The following ARHGAP15 variants were observed in gnomAD, a reference collection of about 807,000 sequenced individuals.
ARHGAP15 encodes rho GTPase-activating protein 15.
Under a neutral mutation model 63.7 loss-of-function variants are expected in ARHGAP15, and 51 were observed. The observed-to-expected ratio is 0.80, with a 90% CI of 0.64 to 1.01. The LOEUF is 1.01. Among genes scored for constraint, ARHGAP15 ranks in the 50% least tolerant of loss-of-function variants. ARHGAP15 has a pLI of 0.00. For missense variants in ARHGAP15, 560 were observed against 564.6 expected (o/e 0.99, Z 0.08); for synonymous variants, 191 against 193.8 (o/e 0.99, Z 0.12).
chr2:143,429,272 TTAA>T (rs1689281004), intron 6 of ARHGAP15, among the ~76,000 whole-genome samples: 1 of 151,894 alleles, frequency 6.6e-6, no homozygotes, highest in South Asian at 2.1e-4. Flanking sequence ...TAGATATTTG[TTAA>T]TAAACAGAAA....
At chr2:143,272,649 C>T (rs536028265) in intron 6 of ARHGAP15, among the ~76,000 whole-genome samples, 6 of 151,462 alleles carry the variant, frequency 4.0e-5, no homozygotes, top group South Asian at 2.1e-4. Context: ...GAGACTGCGT[C>T]GCAAAAAAAA....
chr2:143,477,225 C>T (rs1574502854), intron 8 of ARHGAP15, among the ~76,000 whole-genome samples: 1 of 149,706 alleles, frequency 6.7e-6, no homozygotes, highest in African/African-American at 2.5e-5. Flanking sequence ...CACACACACA[C>T]ATATACAGCA....
chr2:143,571,147 A>G (rs933352995), intron 11 of ARHGAP15, among the ~76,000 whole-genome samples: 4 of 152,218 alleles, frequency 2.6e-5, no homozygotes, highest in African/African-American at 4.8e-5. Context: ...TGTCTCCCAT[A>G]ACCCCCAAAT....
chr2:143,585,553 G>T (rs1457118120), intron 11 of ARHGAP15, among the ~76,000 whole-genome samples: 1 of 152,092 alleles, frequency 6.6e-6, no homozygotes, highest in Non-Finnish European at 1.5e-5. Flanking sequence ...AATGTTTTAT[G>T]TTTAGTTCTA....
intron 8 of ARHGAP15, among the ~76,000 whole-genome samples, chr2:143,471,129 A>G (rs1390740279): frequency 2.0e-5 from 3 of 147,342 alleles, no homozygotes; most frequent in East Asian, 2.0e-4. Flanking sequence ...ATACACATAC[A>G]TGTATACACA....
intron 6 of ARHGAP15, among the ~76,000 whole-genome samples, chr2:143,330,416 A>G (rs1321359327): frequency 3.9e-5 from 6 of 152,114 alleles, no homozygotes; most frequent in African/African-American, 9.7e-5. Flanking sequence ...GTGGCACTGT[A>G]TAAGACAAAT....
Position 143,349,796 on chromosome 2 carries a change from G to A in ARHGAP15, c.475-85805G>A, listed in dbSNP as rs1685475336. On this transcript the variant is annotated intron_variant, in intron 6 of 13. Coordinates refer to ENST00000295095, the MANE Select transcript of ARHGAP15 (RefSeq NM_018460.4). ...TAGCCTCAGCTAAGCTAATTTCTAT[G>A]TATGGTTGAGCAAGTGCATTACCTT... Among the ~76,000 whole-genome samples, 3 of 152,256 alleles carry A rather than the reference G, an allele frequency of 2.0e-5. No individual in the cohort carries two copies. The South Asian group carries it at 6.2e-4, about 32-fold the overall frequency.
chr2:143,593,064 A>G (rs1697382784), intron 11 of ARHGAP15, among the ~76,000 whole-genome samples: 1 of 152,206 alleles, frequency 6.6e-6, no homozygotes, highest in Non-Finnish European at 1.5e-5. Flanking sequence ...ATTTTTGTGG[A>G]CAAATTGGAT....
chr2:143,594,786 G>A (rs1464783721), intron 11 of ARHGAP15, among the ~76,000 whole-genome samples: 1 of 152,104 alleles, frequency 6.6e-6, no homozygotes, highest in East Asian at 1.9e-4. Context: ...TGCTGGTGGA[G>A]CAAATGTTAC....
At chr2:143,418,330 G>A (rs1360774554) in intron 6 of ARHGAP15, among the ~76,000 whole-genome samples, 1 of 152,134 alleles carries the variant, frequency 6.6e-6, no homozygotes, top group Non-Finnish European at 1.5e-5. Flanking sequence ...TTGTCCTCAA[G>A]TTCTTCTCCA....
At chr2:143,364,140 T>A (rs1280265627) in intron 6 of ARHGAP15, among the ~76,000 whole-genome samples, 3 of 152,034 alleles carry the variant, frequency 2.0e-5, no homozygotes, top group African/African-American at 7.2e-5. Context: ...TCAACTATTT[T>A]TCCCCATCGC....
chr2:143,508,804 C>T (rs116433658), intron 9 of ARHGAP15, among the ~76,000 whole-genome samples: 2,726 of 152,302 alleles, frequency 0.018, 88 homozygotes, highest in African/African-American at 0.063. Context: ...AAAATGCCTA[C>T]TGCACTAGTC....
At chr2:143,316,111 ATATT>A (rs1272011391) in intron 6 of ARHGAP15, among the ~76,000 whole-genome samples, 1 of 152,040 alleles carries the variant, frequency 6.6e-6, no homozygotes, top group African/African-American at 2.4e-5. Context: ...AAATAAATAA[ATATT>A]TATTTGTAAG....
chr2:143,683,584 C>A (rs939311605), intron 12 of ARHGAP15, among the ~76,000 whole-genome samples: 2 of 152,128 alleles, frequency 1.3e-5, no homozygotes, highest in African/African-American at 4.8e-5. Flanking sequence ...AATTTTAAGA[C>A]TTTGGAGAAA....
At chr2:143,182,254 C>T (rs140751649) in intron 2 of ARHGAP15, among the ~76,000 whole-genome samples, 1 of 152,272 alleles carries the variant, frequency 6.6e-6, no homozygotes, top group Non-Finnish European at 1.5e-5. Flanking sequence ...AGATATGCAA[C>T]TCTTCTTTTC....
chr2:143,264,694 A>C (rs933776933), intron 6 of ARHGAP15, among the ~76,000 whole-genome samples: 2 of 152,154 alleles, frequency 1.3e-5, no homozygotes, highest in Non-Finnish European at 2.9e-5. Flanking sequence ...AAACCACTAA[A>C]TATTGGGCCG....
At chr2:143,570,938 C>A (rs902536894) in intron 11 of ARHGAP15, among the ~76,000 whole-genome samples, 1 of 152,172 alleles carries the variant, frequency 6.6e-6, no homozygotes, top group African/African-American at 2.4e-5. Flanking sequence ...CAGTACCAGT[C>A]CATGGCTTGT....
chr2:143,268,646 G>A (rs962928388), intron 6 of ARHGAP15, among the ~76,000 whole-genome samples: 3 of 152,062 alleles, frequency 2.0e-5, no homozygotes, highest in Non-Finnish European at 2.9e-5. Flanking sequence ...CCTCAAAATA[G>A]CAATAGGACA....
At chr2:143,249,732 T>C (rs937062872) in intron 5 of ARHGAP15, among the ~76,000 whole-genome samples, 2 of 152,228 alleles carry the variant, frequency 1.3e-5, no homozygotes, top group African/African-American at 4.8e-5. Context: ...AAAAGACAAA[T>C]GTGGGTGATA....
Sources: gnomAD v4.1 joint callset for allele counts (sites outside exome capture counted in the v4.1 genomes callset) on GRCh38, gnomAD v4.1.1 for gene constraint, MANE v1.5 for transcripts, NCBI Gene and HGNC (gene_info 2026-07-23, HGNC 2026-07-21) for gene names.